The following HS2ST1 variants were observed in gnomAD, a reference collection of about 807,000 sequenced individuals.
The protein encoded by HS2ST1 is heparan sulfate 2-O-sulfotransferase 1, also known as 2-O-sulfotransferase.
In HS2ST1, 18 loss-of-function variants were observed where a neutral mutation model predicts 42.9. The observed-to-expected ratio is 0.42, with a 90% confidence interval of 0.29 to 0.62. The LOEUF is 0.62. Ranked by LOEUF, HS2ST1 falls within the 20% of genes least tolerant of loss-of-function variation. The pLI is 0.21. For missense variants in HS2ST1, 334 were observed against 433.8 expected (o/e 0.77, Z 2.04); for synonymous variants, 146 against 152.9 (o/e 0.95, Z 0.33).
At chr1:87,010,992 G>A (rs1649584122) in intron 1 of HS2ST1, among the ~76,000 whole-genome samples, 1 of 152,054 alleles carries the variant, frequency 6.6e-6, no homozygotes, top group African/African-American at 2.4e-5. Context: ...CACCATGTTG[G>A]CCAGGCTGGT....
chr1:87,047,592 GAAGAATGAAGA>G (rs1169418690), intron 1 of HS2ST1, among the ~76,000 whole-genome samples: 1 of 152,106 alleles, frequency 6.6e-6, no homozygotes, highest in Non-Finnish European at 1.5e-5. Context: ...TATATGATGT[GAAGAATGAAGA>G]AAGAATGAAG....
chr1:87,015,369 A>G (rs889750148), intron 1 of HS2ST1, among the ~76,000 whole-genome samples: 3 of 89,652 alleles, frequency 3.3e-5, no homozygotes, highest in African/African-American at 1.2e-4. Context: ...TTTTTTTGAG[A>G]CAGAGTCTCG....
In HS2ST1 at chr1:87,021,637, C is replaced by T. The variant is rs920523351; in HGVS notation, c.125-51297C>T. 5.2e-4 allele frequency among the ~76,000 whole-genome samples: 79 copies of T among 152,162 alleles called. 1 individual carries two copies. The highest frequency in any genetic ancestry group is 2.6e-4 in the Non-Finnish European group (18 of 68,032). On this transcript the variant is annotated intron_variant, in intron 1 of 6. Transcript: ENST00000370550. ...TCAAGGGATCCTCCCACCTCAGTCT[C>T]CTGAGTAGTCGGAACTACAAGGTGC...
intron 1 of HS2ST1, among the ~76,000 whole-genome samples, chr1:86,965,373 T>A (rs572927640): frequency 2.0e-5 from 3 of 152,262 alleles, no homozygotes; most frequent in Admixed American, 2.0e-4. Flanking sequence ...GCACAGCTCC[T>A]AAGGGACTAA....
chr1:87,050,945 C>T (rs1650815567), intron 1 of HS2ST1, among the ~76,000 whole-genome samples: 1 of 152,134 alleles, frequency 6.6e-6, no homozygotes, highest in Non-Finnish European at 1.5e-5. Flanking sequence ...TTTGACTGTG[C>T]TATATGTAAC....
chr1:86,943,999 C>T (rs1647260409), intron 1 of HS2ST1, among the ~76,000 whole-genome samples: 1 of 151,502 alleles, frequency 6.6e-6, no homozygotes, highest in African/African-American at 2.4e-5. Context: ...TGCACTCTCC[C>T]TGGGTAACGA....
chr1:87,019,192 C>T (rs1409884753), intron 1 of HS2ST1, among the ~76,000 whole-genome samples: 15 of 152,228 alleles, frequency 9.9e-5, no homozygotes, highest in Admixed American at 9.8e-4. Context: ...TTGCTTATCA[C>T]TGTATAGTAC....
At chr1:86,942,399 GCTAT>G (rs1044918000) in intron 1 of HS2ST1, among the ~76,000 whole-genome samples, 5 of 152,120 alleles carry the variant, frequency 3.3e-5, no homozygotes, top group African/African-American at 7.2e-5. Flanking sequence ...GTTAAAATAG[GCTAT>G]CTTAGATTAT....
At chr1:87,067,033 C>T (rs551228932) in intron 1 of HS2ST1, among the ~76,000 whole-genome samples, 5 of 152,226 alleles carry the variant, frequency 3.3e-5, no homozygotes, top group African/African-American at 7.2e-5. Flanking sequence ...GTAAAACATA[C>T]GTGTGCATGT....
In HS2ST1 at chr1:87,109,530, C is replaced by T. The variant is rs761366583; in HGVS notation, c.*4834C>T. ...CATTTATGGCACAGTTTGGACATAT[C>T]CATAATTTTTTTTGGGAACACACAT... On this transcript the variant is annotated 3_prime_UTR_variant, in exon 7 of 7. Transcript: ENST00000370550. The T allele has an allele frequency of 4.0e-5, 6 of 151,762 alleles. No homozygotes were observed. The highest frequency in any genetic ancestry group is 5.9e-5 in the Non-Finnish European group (4 of 67,916). The allele number at this position is 151,762 out of a possible 1,614,324, so 9.4% of individuals were successfully genotyped here.
intron 1 of HS2ST1, among the ~76,000 whole-genome samples, chr1:87,014,968 A>T (rs1197610367): frequency 6.6e-6 from 1 of 152,222 alleles, no homozygotes; most frequent in Non-Finnish European, 1.5e-5. Flanking sequence ...TCTTTCTTTT[A>T]GAGAACCTTT....
At chr1:87,084,828 C>T (rs1651779478) in intron 3 of HS2ST1, among the ~76,000 whole-genome samples, 2 of 148,854 alleles carry the variant, frequency 1.3e-5, no homozygotes, top group Admixed American at 6.6e-5. Flanking sequence ...TGCTCTCTCT[C>T]CCTCCCTGTC....
chr1:86,961,784 G>A (rs150763534), intron 1 of HS2ST1, among the ~76,000 whole-genome samples: 3 of 152,028 alleles, frequency 2.0e-5, no homozygotes, highest in South Asian at 2.1e-4. Context: ...CCCTAAGCAG[G>A]TCCCCTCATA....
At chr1:86,937,693 A>T (rs1232016308) in intron 1 of HS2ST1, among the ~76,000 whole-genome samples, 2 of 151,988 alleles carry the variant, frequency 1.3e-5, no homozygotes, top group Non-Finnish European at 2.9e-5. Flanking sequence ...TAAAATATTT[A>T]TTCTTTTCAG....
At chr1:87,085,628 A>G (rs1359779551) in intron 3 of HS2ST1, among the ~76,000 whole-genome samples, 2 of 152,184 alleles carry the variant, frequency 1.3e-5, no homozygotes, top group Non-Finnish European at 2.9e-5. Context: ...TTTTCTTTGC[A>G]TAGGCATTGA....
In HS2ST1 at chr1:86,915,080, T is replaced by TG; in HGVS notation, c.46dup (p.Ala16GlyfsTer39). On this transcript the variant is annotated frameshift_variant, in exon 1 of 7. Coordinates refer to ENST00000370550, the MANE Select transcript of HS2ST1 (RefSeq NM_012262.4). LOFTEE classifies it high-confidence loss of function. ...ATGATGCCGCCCAAGTTGCAGCTGC[T>TG]GGCGGTGGTGGCCTTCGCGGTGGCG... 6.2e-7 allele frequency: 1 copy of TG among 1,613,980 alleles called. No homozygotes were observed. The highest frequency in any genetic ancestry group is 8.5e-7 in the Non-Finnish European group (1 of 1,179,902).
chr1:86,999,471 C>T (rs561148535), intron 1 of HS2ST1, among the ~76,000 whole-genome samples: 58 of 152,288 alleles, frequency 3.8e-4, no homozygotes, highest in African/African-American at 1.4e-3. Context: ...AGCCACCACA[C>T]CTGGCCTTTT....
intron 1 of HS2ST1, among the ~76,000 whole-genome samples, chr1:86,985,553 TACACAC>T (rs71082055): frequency 2.7e-5 from 1 of 37,408 alleles, no homozygotes; most frequent in Non-Finnish European, 6.6e-5. Flanking sequence ...CACATATATA[TACACAC>T]ACACACACAT....
intron 1 of HS2ST1, chr1:87,045,630 G>C (rs1650634201): frequency 1.3e-6 from 1 of 775,956 alleles, no homozygotes; most frequent in Non-Finnish European, 2.4e-6. Context: ...TATTTTTCCT[G>C]ATAAGATCTT....
Sources: allele counts gnomAD v4.1 joint callset (sites outside exome capture counted in the v4.1 genomes callset), GRCh38; gene constraint gnomAD v4.1.1; transcripts MANE v1.5; gene names NCBI Gene and HGNC (gene_info 2026-07-23, HGNC 2026-07-21).